The following KDM5C variants were observed in gnomAD, a reference collection of about 807,000 sequenced individuals.
KDM5C encodes lysine demethylase 5C, also known as lysine-specific demethylase 5C.
A neutral mutation model predicts 110.6 loss-of-function variants in KDM5C; 16 were observed. The observed-to-expected ratio is 0.14, with a 90% CI of 0.10 to 0.22. The LOEUF (loss-of-function observed/expected upper bound fraction) is 0.22. Ranked by LOEUF, KDM5C falls within the 10% of genes least tolerant of loss-of-function variation. The pLI is 1.00. For synonymous variants in KDM5C, 511 were observed against 520.4 expected (o/e 0.98, Z 0.24); for missense variants, 681 against 1,300.9 (o/e 0.52, Z 7.33).
At position 53,195,569 on chromosome X, in the gene KDM5C, A is replaced by G. The variant is rs1156321117; in HGVS notation, c.3121-159T>C. 81 of 543,473 alleles carry G rather than the reference A, an allele frequency of 1.5e-4. No homozygotes were observed. The Admixed American group carries it at 2.1e-3, about 14-fold the overall frequency. The allele number at this position is 543,473 out of a possible 1,213,427, so 44.8% of individuals were successfully genotyped here. A position where few individuals can be genotyped will look rare whatever the true frequency, so the allele number is the denominator to read the frequency against. On this transcript the variant is annotated intron_variant, in intron 20 of 25. Transcript: ENST00000375401. ...GAACAACCACTTGGCTCTCTCCCAC[A>G]ACACCGGCATCTACTGACTGGCTCA... is the stretch of plus-strand genomic sequence containing the variant.
chrX:53,200,230 A>C (rs2073099332), intron 14 of KDM5C, among the ~76,000 whole-genome samples: 1 of 111,794 alleles, frequency 8.9e-6, no homozygotes, highest in Non-Finnish European at 1.9e-5. Flanking sequence ...AAACTGAGTT[A>C]ATTTTGACTC....
chrX:53,197,068 C>T (rs1556837977), intron 18 of KDM5C, 24 bp from the exon 19 acceptor site: 2 of 1,113,422 alleles, frequency 1.8e-6, no homozygotes, highest in Non-Finnish European at 1.2e-6. Context: ...GGATGAAGAA[C>T]AAACTCCTCA....
chrX:53,196,886 C>T lies in KDM5C; in HGVS notation c.2781G>A (p.Gln927=). 2 of 1,201,481 alleles carry T rather than the reference C, an allele frequency of 1.7e-6. No homozygotes were observed. Among genetic ancestry groups the T allele is most frequent in the Non-Finnish European group, 2.2e-6 (2 of 890,194 alleles). The change falls in exon 19 of 26, where the codon CAG becomes CAA. Residue 927 remains glutamine (Q), a synonymous_variant. Transcript: ENST00000375401. The part of the protein sequence containing the change: ...EAQQLQRQVE[Q]ARWLDEVKRT... Reference sequence around the variant, plus strand: ...GTTTCACCTCATCCAGCCATCGCGCCTGTTCCACCTGCCGCTGGAGCTGCT... The same window carrying T: ...GTTTCACCTCATCCAGCCATCGCGCTTGTTCCACCTGCCGCTGGAGCTGCT...
At chrX:53,194,027 G>A in intron 23 of KDM5C, 112 bp downstream of exon 23, 3 of 1,045,976 alleles carry the variant, frequency 2.9e-6, no homozygotes, top group Non-Finnish European at 3.9e-6. Flanking sequence ...GAGTAGGAAG[G>A]CTGGTCCAAA....
In KDM5C at chrX:53,224,863, T is replaced by C. The variant is rs782623346; in HGVS notation, c.27A>G (p.Leu9=). The change falls in exon 1 of 26, where the codon CTA becomes CTG. Residue 9 remains leucine (L), a synonymous_variant. Transcript: ENST00000375401. The part of the protein sequence containing the change: MEPGSDDF[L]PPPECPVFEP... ...CGAACACCGGGCACTCCGGTGGCGGTAGGAAATCGTCGGACCCCGGCTCCA... is the reference window on the plus strand; with the variant it reads ...CGAACACCGGGCACTCCGGTGGCGGCAGGAAATCGTCGGACCCCGGCTCCA... 2.6e-5 allele frequency: 31 copies of C among 1,207,092 alleles called. No homozygotes were observed. The East Asian group carries it at 8.0e-4, about 31-fold the overall frequency.
Position 53,194,397 on chromosome X carries a change from T to G in KDM5C, c.3780A>C (p.Ala1260=). ...SRRPRLETIL[A]LLVALQRLPV... ...GCAGTCTCTGCAGGGCTACCAGCAG[T>G]GCCAGGATGGTCTCCAGGCGCGGGC... Residue 1260 remains alanine, a synonymous_variant, in exon 23 of 26, where the codon GCA becomes GCC. Coordinates refer to ENST00000375401, the MANE Select transcript of KDM5C (RefSeq NM_004187.5). The G allele has an allele frequency of 1.7e-6, 2 of 1,211,870 alleles. No homozygotes were observed. Among genetic ancestry groups the G allele is most frequent in the Non-Finnish European group, 2.2e-6 (2 of 895,339 alleles).
At position 53,225,123 on chromosome X, in the gene KDM5C, C is replaced by T. The variant is rs1202643942; in HGVS notation, c.-234G>A. 1 of 373,180 alleles carries T rather than the reference C, an allele frequency of 2.7e-6. No homozygotes were observed. Among genetic ancestry groups the T allele is most frequent in the Non-Finnish European group, 4.5e-6 (1 of 221,195 alleles). 30.8% of individuals were successfully genotyped at this position (373,180 alleles called of 1,213,427 possible). Reference sequence around the variant, plus strand: ...CCGTTTCTTCCAAACTGTGTGGTTGCCTCCCCACTACCGCAGCCTTCGCCA... The same window carrying T: ...CCGTTTCTTCCAAACTGTGTGGTTGTCTCCCCACTACCGCAGCCTTCGCCA... On this transcript the variant is annotated 5_prime_UTR_variant, in exon 1 of 26. Transcript: ENST00000375401.
Position 53,211,805 on chromosome X carries a change from G to A in KDM5C, c.1224C>T (p.Tyr408=). The A allele has an allele frequency of 6.6e-6, 8 of 1,211,462 alleles. No individual in the cohort carries two copies. The highest frequency in any genetic ancestry group is 8.9e-6 in the Non-Finnish European group (8 of 895,131). Residue 408 remains tyrosine, a synonymous_variant, in exon 9 of 26, where the codon TAC becomes TAT. Transcript: ENST00000375401. ...GEMADSFKAD[Y]FNMPVHMVPT... is the part of the protein sequence containing the mutation. ...CACCTACATGCACGGGCATGTTGAA[G>A]TAGTCAGCTTTAAAGGAGTCGGCCA...
At chrX:53,215,552 T>A (rs782737100) in intron 7 of KDM5C, among the ~76,000 whole-genome samples, 1 of 111,706 alleles carries the variant, frequency 9.0e-6, no homozygotes, top group Non-Finnish European at 1.9e-5. Context: ...CCTGAAGCAA[T>A]GGAGAGTGAG....
At chrX:53,197,241 C>A (rs1017958272) in intron 18 of KDM5C, among the ~76,000 whole-genome samples, 197 bp from the exon 19 acceptor site, 3 of 111,784 alleles carry the variant, frequency 2.7e-5, no homozygotes, top group African/African-American at 9.8e-5. Context: ...TTAGAATGCC[C>A]TGGGGAATTT....
chrX:53,200,666 C>G (rs1218660880), intron 14 of KDM5C, among the ~76,000 whole-genome samples: 1 of 111,963 alleles, frequency 8.9e-6, no homozygotes, highest in East Asian at 2.8e-4. Flanking sequence ...TATAAATGAG[C>G]TTTAAAATAA....
intron 25 of KDM5C, among the ~76,000 whole-genome samples, chrX:53,185,383 G>A (rs1361864514): frequency 1.8e-5 from 2 of 112,321 alleles, no homozygotes; most frequent in African/African-American, 3.2e-5. Flanking sequence ...AAGTGCCTAA[G>A]CCTCTGAATC....
At chrX:53,182,313 C>T (rs1309259344) in intron 25 of KDM5C, among the ~76,000 whole-genome samples, 1 of 110,426 alleles carries the variant, frequency 9.1e-6, no homozygotes, top group Non-Finnish European at 1.9e-5. Context: ...GAACTCCCGA[C>T]CTCAGGTGAT....
intron 2 of KDM5C, chrX:53,218,615 G>A (rs1351669276): frequency 1.3e-5 from 6 of 476,341 alleles, no homozygotes; most frequent in South Asian, 2.6e-5. Flanking sequence ...TTGCTCTGTC[G>A]CCCAAGCTGG....
intron 22 of KDM5C, 27 bp from the exon 23 acceptor site, chrX:53,194,765 T>G (rs1556835050): frequency 1.7e-6 from 2 of 1,208,658 alleles, no homozygotes; most frequent in East Asian, 5.9e-5. Flanking sequence ...AGGAGCAAAG[T>G]GGGTCAGCAG....
chrX:53,190,927 GCC>G (rs1934390564), downstream of KDM5C, among the ~76,000 whole-genome samples: 1 of 111,735 alleles, frequency 8.9e-6, no homozygotes, highest in Admixed American at 9.5e-5. Context: ...CCTCCTCACA[GCC>G]CCTTGAGAGG....
chrX:53,218,528 A>C (rs2073810798), intron 2 of KDM5C, 130 bp from the exon 3 acceptor site: 1 of 786,375 alleles, frequency 1.3e-6, no homozygotes, highest in Non-Finnish European at 1.9e-6. Context: ...CTCCCAATGA[A>C]CCGGATCCCA....
At chrX:53,220,686 G>A (rs1440621579) in intron 2 of KDM5C, among the ~76,000 whole-genome samples, 153 bp downstream of exon 2, 1 of 111,795 alleles carries the variant, frequency 8.9e-6, no homozygotes, top group Non-Finnish European at 1.9e-5. Flanking sequence ...CTTCTTCCAC[G>A]CCCTGGGCAC....
At chrX:53,221,763 A>AG (rs1556854794) in intron 1 of KDM5C, 10 of 979,014 alleles carry the variant, frequency 1.0e-5, no homozygotes, top group Non-Finnish European at 9.3e-6. Flanking sequence ...AGGAAGCCCC[A>AG]GGGGGTGGGG....
Sources: allele counts gnomAD v4.1 joint callset (sites outside exome capture counted in the v4.1 genomes callset), GRCh38; gene constraint gnomAD v4.1.1; transcripts MANE v1.5; gene names NCBI Gene and HGNC (gene_info 2026-07-23, HGNC 2026-07-21).